The following FN1 variants were observed in gnomAD, a reference collection of about 807,000 sequenced individuals.
FN1 encodes the protein fibronectin.
FN1 carries 106 observed loss-of-function variants against 297.3 expected under a neutral mutation model. That is an observed-to-expected ratio of 0.36 (90% CI 0.30 to 0.42). FN1 has a LOEUF of 0.42. Among genes scored for constraint, FN1 ranks in the 10% least tolerant of loss-of-function variants. FN1 has a pLI of 1.00. For synonymous variants in FN1, 1,149 were observed against 1,152.6 expected, an observed-to-expected ratio of 1.00 and a Z score of 0.06; for missense variants, 2,690 against 3,124.9, an observed-to-expected ratio of 0.86 and a Z score of 3.32.
At chr2:215,364,699 A>C (rs1233763266) in intron 44 of FN1, 180 bp downstream of exon 44, 3 of 633,558 alleles carry the variant, frequency 4.7e-6, no homozygotes, top group Non-Finnish European at 8.5e-6. Context: ...AATGAATGGC[A>C]TGTAAGGTAG....
At chr2:215,423,551 G>T (rs202052033) in intron 8 of FN1, 25 bp from the exon 9 acceptor site, 2 of 1,610,424 alleles carry the variant, frequency 1.2e-6, no homozygotes, top group South Asian at 1.1e-5. Context: ...ACACAACAAA[G>T]AAGGAAAAGA....
rs1316349707 is a variant in FN1 at position 215,397,690 on chromosome 2, T to C, written c.3507A>G (p.Lys1169=). The part of the protein sequence containing the change: ...GQERDAPIVN[K]VVTPLSPPTN... ...AAAAATTCTTCTTACGTGTCACCAC[T>C]TTGTTTACAATTGGCGCATCTCTTT... is the stretch of plus-strand genomic sequence containing the variant. The change falls in exon 22 of 46, where the codon AAA becomes AAG. Residue 1169 remains lysine (K), a synonymous_variant. Coordinates refer to ENST00000354785, the MANE Select transcript of FN1 (RefSeq NM_212482.4). The C allele has an allele frequency of 6.2e-7, 1 of 1,614,012 alleles. No homozygotes were observed. Among genetic ancestry groups the C allele is most frequent in the East Asian group, 2.2e-5 (1 of 44,900 alleles).
intron 42 of FN1, among the ~76,000 whole-genome samples, chr2:215,366,918 G>GC (rs2054746830): frequency 6.6e-6 from 1 of 152,170 alleles, no homozygotes; most frequent in Non-Finnish European, 1.5e-5. Flanking sequence ...TGTTTTTAGT[G>GC]TTTTTCATTT....
chr2:215,429,951 C>T (rs2066195488), intron 5 of FN1, among the ~76,000 whole-genome samples: 1 of 152,156 alleles, frequency 6.6e-6, no homozygotes, highest in Non-Finnish European at 1.5e-5. Context: ...ATCACAGTAA[C>T]ATTTTAAATG....
chr2:215,371,655 G>T (rs1575251996), intron 40 of FN1, among the ~76,000 whole-genome samples: 2 of 145,274 alleles, frequency 1.4e-5, no homozygotes, highest in Non-Finnish European at 3.0e-5. Context: ...CTTCTAAGAG[G>T]TTCTAAAAGT....
intron 40 of FN1, 35 bp from the exon 41 acceptor site, chr2:215,370,467 G>C (rs762705003): frequency 3.1e-6 from 5 of 1,588,030 alleles, no homozygotes; most frequent in Non-Finnish European, 4.3e-6. Flanking sequence ...CAGAGAGAAA[G>C]CATTATAGTG....
intron 2 of FN1, 110 bp downstream of exon 2, chr2:215,434,586 G>GT: frequency 7.8e-7 from 1 of 1,274,642 alleles, no homozygotes; most frequent in South Asian, 1.2e-5. Flanking sequence ...GAAATGACAG[G>GT]TAATTCTATT....
At chr2:215,422,269 A>G (rs756589850) in intron 9 of FN1, 26 bp from the exon 10 acceptor site, 2 of 1,610,898 alleles carry the variant, frequency 1.2e-6, no homozygotes, top group African/African-American at 2.7e-5. Flanking sequence ...TAAGAAATGC[A>G]CTTGATAAAT....
At chr2:215,361,694 C>A in intron 45 of FN1, 68 bp from the exon 46 acceptor site, 1 of 1,260,336 alleles carries the variant, frequency 7.9e-7, no homozygotes, top group South Asian at 1.2e-5. Context: ...AAAAAAAATG[C>A]GGGGAGGTGG....
Position 215,361,314 on chromosome 2 carries a change from G to A in FN1, c.*241C>T, listed in dbSNP as rs79439906. 119 of 507,804 alleles carry A rather than the reference G, an allele frequency of 2.3e-4. No homozygotes were observed. The highest frequency in any genetic ancestry group is 3.4e-4 in the Non-Finnish European group (95 of 281,228). 31.5% of individuals were successfully genotyped at this position (507,804 alleles called of 1,614,324 possible). On this transcript the variant is annotated 3_prime_UTR_variant, in exon 46 of 46. Coordinates refer to ENST00000354785, the MANE Select transcript of FN1 (RefSeq NM_212482.4). ...AATCACTTCATTTAAAATACTGAGC[G>A]GTATTGAATACTTCGAAGCAGAACA...
intron 20 of FN1, 118 bp from the exon 21 acceptor site, chr2:215,399,469 T>G (rs767782437): frequency 4.9e-4 from 359 of 726,082 alleles, no homozygotes; most frequent in Non-Finnish European, 7.8e-4. Flanking sequence ...GGATAGAGGA[T>G]GTAACATATT....
chr2:215,431,759 T>C (rs2066555184), intron 4 of FN1, 74 bp downstream of exon 4: 1 of 1,465,180 alleles, frequency 6.8e-7, no homozygotes, highest in Non-Finnish European at 9.6e-7. Context: ...ATGACCTATG[T>C]AGATGTGATT....
In FN1 at chr2:215,364,937, T is replaced by C; in HGVS notation, c.7193A>G (p.Gln2398Arg). 1.9e-6 allele frequency: 3 copies of C among 1,579,852 alleles called. No homozygotes were observed. Among genetic ancestry groups the C allele is most frequent in the Non-Finnish European group, 2.6e-6 (3 of 1,161,594 alleles). Residue 2398 changes from glutamine (Q) to arginine (R), a missense_variant, in exon 44 of 46, where the codon CAG becomes CGG. This residue lies in a region of FN1 where 1,743 missense variants were observed against 1,945.2 expected (regional missense o/e 0.90). Transcript: ENST00000354785. ...DDGKTYHVGE[Q>R]WQKEYLGAIC... ...GGCACCGAGATATTCCTTCTGCCAC[T>C]GTTCTCCTACGTGGTATGTCTTCCC...
chr2:215,368,186 C>CT (rs1402850829), intron 41 of FN1, among the ~76,000 whole-genome samples, 159 bp from the exon 42 acceptor site: 1 of 152,216 alleles, frequency 6.6e-6, no homozygotes, highest in African/African-American at 2.4e-5. Flanking sequence ...ATTAACTGCT[C>CT]TAAAAAACCA....
chr2:215,392,905 C>G, intron 25 of FN1, 26 bp downstream of exon 25: 3 of 1,612,010 alleles, frequency 1.9e-6, no homozygotes, highest in Non-Finnish European at 1.7e-6. Context: ...ATCTATGTCT[C>G]AAACGCAGAA....
intron 29 of FN1, 77 bp downstream of exon 29, chr2:215,384,783 T>C: frequency 9.7e-7 from 1 of 1,028,468 alleles, no homozygotes; most frequent in Non-Finnish European, 1.5e-6. Context: ...TAATTCTTTG[T>C]TCACTGTTGG....
Position 215,422,212 on chromosome 2 carries a change from C to A in FN1, c.1425G>T (p.Gly475=). ...ACTGATCTCCAATGCGGTACATGAC[C>A]CCTTCATTGGTTGTGCAGATTTCCT... is the stretch of plus-strand genomic sequence containing the variant. ...AHEEICTTNE[G]VMYRIGDQWD... The change falls in exon 10 of 46, where the codon GGG becomes GGT. Residue 475 remains glycine (G), a synonymous_variant. Transcript: ENST00000354785. The A allele has an allele frequency of 1.2e-6, 2 of 1,613,964 alleles. No homozygotes were observed. The highest frequency in any genetic ancestry group is 2.7e-5 in the African/African-American group (2 of 75,006).
intron 15 of FN1, among the ~76,000 whole-genome samples, chr2:215,409,050 CG>C (rs1475893550): frequency 1.3e-5 from 2 of 151,952 alleles, no homozygotes; most frequent in Non-Finnish European, 1.5e-5. Flanking sequence ...TGATTATTGG[CG>C]GAAGATGATG....
intron 26 of FN1, among the ~76,000 whole-genome samples, chr2:215,388,729 A>G (rs1429109079): frequency 1.3e-5 from 2 of 152,202 alleles, no homozygotes; most frequent in Admixed American, 6.5e-5. Context: ...CTTGTCATAC[A>G]ACGTACTGCA....
Sources: allele counts gnomAD v4.1 joint callset (sites outside exome capture counted in the v4.1 genomes callset), GRCh38; gene constraint gnomAD v4.1.1; regional missense constraint gnomAD v4.1.1; transcripts MANE v1.5; gene names NCBI Gene and HGNC (gene_info 2026-07-23, HGNC 2026-07-21).